The following ANKS1B variants were observed in gnomAD, a reference collection of about 807,000 sequenced individuals.
The protein encoded by ANKS1B is ankyrin repeat and sterile alpha motif domain-containing protein 1B.
ANKS1B carries 36 observed loss-of-function variants against 148.3 expected under a neutral mutation model. The observed-to-expected ratio is 0.24, with a 90% CI of 0.19 to 0.32. ANKS1B has a LOEUF of 0.32. Among genes scored for constraint, ANKS1B ranks in the 10% least tolerant of loss-of-function variants. The pLI is 1.00. For missense variants in ANKS1B, 1,157 were observed against 1,542.6 expected, an observed-to-expected ratio of 0.75 and a Z score of 4.19; for synonymous variants, 542 against 560.8, an observed-to-expected ratio of 0.97 and a Z score of 0.47.
chr12:99,863,907 T>A (rs114381407), intron 1 of ANKS1B, among the ~76,000 whole-genome samples: 2,283 of 147,580 alleles, frequency 0.015, 66 homozygotes, highest in African/African-American at 0.054. Flanking sequence ...CCTTCTCTAC[T>A]AAAATACAGA....
chr12:99,144,560 C>G (rs545720374), intron 15 of ANKS1B, among the ~76,000 whole-genome samples: 3 of 152,030 alleles, frequency 2.0e-5, no homozygotes, highest in African/African-American at 4.8e-5. Context: ...TAAACAAAGG[C>G]TACACATATA....
At chr12:99,915,679 T>C (rs1050014364) in intron 1 of ANKS1B, among the ~76,000 whole-genome samples, 1 of 152,310 alleles carries the variant, frequency 6.6e-6, no homozygotes, top group East Asian at 1.9e-4. Context: ...ATTAGCCATT[T>C]TGTTTATAGA....
intron 14 of ANKS1B, among the ~76,000 whole-genome samples, chr12:99,157,972 C>A (rs1432800345): frequency 4.6e-5 from 7 of 151,918 alleles, no homozygotes; most frequent in African/African-American, 1.5e-4. Context: ...GGTATTCAAT[C>A]CTTCAATTTT....
At chr12:99,443,634 AC>A in intron 11 of ANKS1B, 38 bp downstream of exon 11, 1 of 1,606,086 alleles carries the variant, frequency 6.2e-7, no homozygotes, top group Non-Finnish European at 8.5e-7. Flanking sequence ...TCAAATCAAA[AC>A]ACATTAGAGG....
intron 12 of ANKS1B, among the ~76,000 whole-genome samples, chr12:99,327,158 A>G (rs955250017): frequency 1.7e-5 from 2 of 120,598 alleles, no homozygotes; most frequent in Non-Finnish European, 3.2e-5. Context: ...TATATAATAT[A>G]TAATATATAA....
chr12:99,426,320 T>C (rs1594587575), intron 11 of ANKS1B, among the ~76,000 whole-genome samples: 1 of 152,278 alleles, frequency 6.6e-6, no homozygotes, highest in East Asian at 1.9e-4. Context: ...TGTGTTGATA[T>C]CTCTGTTTTT....
intron 14 of ANKS1B, among the ~76,000 whole-genome samples, chr12:99,157,319 T>C (rs2076169239): frequency 6.6e-6 from 1 of 152,190 alleles, no homozygotes; most frequent in African/African-American, 2.4e-5. Flanking sequence ...TTTTGAATTA[T>C]AAATAGTTGA....
intron 15 of ANKS1B, among the ~76,000 whole-genome samples, chr12:99,106,742 A>C (rs559330103): frequency 6.6e-6 from 1 of 152,354 alleles, no homozygotes; most frequent in South Asian, 2.1e-4. Context: ...TTTGGAATAC[A>C]CAAGAAATTG....
intron 9 of ANKS1B, among the ~76,000 whole-genome samples, chr12:99,505,906 A>G (rs1477881245): frequency 6.6e-6 from 1 of 152,088 alleles, no homozygotes; most frequent in Non-Finnish European, 1.5e-5. Context: ...CCTACCTTAA[A>G]TGTGCTCAGA....
chr12:99,392,189 A>G (rs1193454315), intron 12 of ANKS1B, among the ~76,000 whole-genome samples: 1 of 152,214 alleles, frequency 6.6e-6, no homozygotes, highest in Non-Finnish European at 1.5e-5. Flanking sequence ...AGCCTCCCTC[A>G]GCTGCCTGTG....
chr12:99,651,206 A>T (rs995990770), intron 9 of ANKS1B, among the ~76,000 whole-genome samples: 2 of 152,164 alleles, frequency 1.3e-5, no homozygotes, highest in Non-Finnish European at 2.9e-5. Context: ...AATGGCCTCC[A>T]AAAGTGCTTC....
At chr12:98,746,352 C>A (rs911070480) in intron 26 of ANKS1B, among the ~76,000 whole-genome samples, 1 of 152,114 alleles carries the variant, frequency 6.6e-6, no homozygotes, top group Non-Finnish European at 1.5e-5. Context: ...TCTTCCTGCC[C>A]GCCAAGCCCA....
At chr12:99,434,254 TG>T (rs1220893921) in intron 11 of ANKS1B, among the ~76,000 whole-genome samples, 8 of 152,172 alleles carry the variant, frequency 5.3e-5, no homozygotes, top group African/African-American at 1.9e-4. Context: ...AATTCTAGTC[TG>T]CCATTTAAGA....
intron 16 of ANKS1B, among the ~76,000 whole-genome samples, chr12:99,055,725 G>A (rs572309167): frequency 1.0e-4 from 15 of 150,506 alleles, no homozygotes; most frequent in South Asian, 4.3e-4. Context: ...TAAACTTGGG[G>A]GGGGGGGAGG....
intron 11 of ANKS1B, among the ~76,000 whole-genome samples, chr12:99,432,132 G>T (rs2095385366): frequency 6.6e-6 from 1 of 152,158 alleles, no homozygotes; most frequent in African/African-American, 2.4e-5. Context: ...ATCACCAGCA[G>T]CTGGGCAGAT....
intron 11 of ANKS1B, among the ~76,000 whole-genome samples, chr12:99,402,953 C>T (rs1054626323): frequency 1.4e-5 from 2 of 145,138 alleles, no homozygotes; most frequent in African/African-American, 5.3e-5. Flanking sequence ...ATAAGTGTGG[C>T]TTTTTCTCCA....
rs571643754 is a variant in ANKS1B at position 99,088,759 on chromosome 12, T to C, written c.2527-3736A>G. 2.7e-3 allele frequency among the ~76,000 whole-genome samples: 416 copies of C among 152,106 alleles called. 5 individuals carry two copies. The highest frequency in any genetic ancestry group is 9.5e-3 in the African/African-American group (396 of 41,494). On this transcript the variant is annotated intron_variant, in intron 15 of 26. Transcript: ENST00000683438. ...CCATCAAAGACAATAAACATTCCCA[T>C]TCTTCCTAGGGAGCTGGAATTAATT...
intron 15 of ANKS1B, among the ~76,000 whole-genome samples, chr12:99,107,183 T>C (rs1216650715): frequency 6.6e-6 from 1 of 152,054 alleles, no homozygotes; most frequent in Non-Finnish European, 1.5e-5. Context: ...TAAATTAATA[T>C]AGCAAATACA....
intron 17 of ANKS1B, among the ~76,000 whole-genome samples, chr12:99,003,094 T>C (rs564671097): frequency 5.3e-5 from 8 of 152,330 alleles, no homozygotes; most frequent in African/African-American, 1.9e-4. Flanking sequence ...AGAAACCATC[T>C]TTTGCCCATT....
Sources: allele counts gnomAD v4.1 joint callset (sites outside exome capture counted in the v4.1 genomes callset), GRCh38; gene constraint gnomAD v4.1.1; transcripts MANE v1.5; gene names NCBI Gene and HGNC (gene_info 2026-07-23, HGNC 2026-07-21).